SOX30: variants seen among roughly 807,000 people sequenced by gnomAD.
The protein encoded by SOX30 is transcription factor SOX-30.
In SOX30, 17 loss-of-function variants were observed where a neutral mutation model predicts 58.6. The observed-to-expected ratio is 0.29, with a 90% confidence interval of 0.20 to 0.44. SOX30 has a LOEUF of 0.44. SOX30 is among the 20% of genes least tolerant of loss of function. The pLI, the probability that SOX30 is intolerant of heterozygous loss-of-function variation, is 1.00. For synonymous variants in SOX30, 421 were observed against 400.2 expected (o/e 1.05, Z -0.62); for missense variants, 951 against 965.8 (o/e 0.98, Z 0.20).
At chr5:157,671,251 C>T (rs1403371457) in intron 1 of SOX30, 2 of 254,316 alleles carry the variant, frequency 7.9e-6, no homozygotes, top group Non-Finnish European at 1.5e-5. Context: ...CACCCTGGCT[C>T]AACCCGTTAC....
chr5:157,638,268 G>A lies in SOX30; in HGVS notation c.1842C>T (p.His614=). The change falls in exon 4 of 5, where the codon CAC becomes CAT. Residue 614 remains histidine (H), a synonymous_variant. Transcript: ENST00000265007. Reference sequence around the variant, plus strand: ...AGTGAGGTCCGGGTAGGAAGTAAGGGTGATGAAAAGAGAATCTTGGTGGTG... The same window carrying A: ...AGTGAGGTCCGGGTAGGAAGTAAGGATGATGAAAAGAGAATCTTGGTGGTG... The part of the protein sequence containing the change: ...FGTPPRFSFH[H]PYFLPGPHYF... 1.3e-6 allele frequency: 2 copies of A among 1,566,528 alleles called. No individual in the cohort carries two copies. Among genetic ancestry groups the A allele is most frequent in the Non-Finnish European group, 8.7e-7 (1 of 1,155,100 alleles).
chr5:157,657,155 A>AATGGAG (rs1439216912), upstream of SOX30, among the ~76,000 whole-genome samples: 1 of 152,218 alleles, frequency 6.6e-6, no homozygotes, highest in East Asian at 1.9e-4. Flanking sequence ...AGCATTATCA[A>AATGGAG]ATGTAAAATG....
At position 157,630,325 on chromosome 5, in the gene SOX30, T is replaced by G. The variant is rs562049989; in HGVS notation, c.1881-3604A>C. ...GGGGATAGTTACTATTAATATTATTTCCTTGTGAATGCCCTACTTTCTTGT... is the reference window on the plus strand; with the variant it reads ...GGGGATAGTTACTATTAATATTATTGCCTTGTGAATGCCCTACTTTCTTGT... On this transcript the variant is annotated intron_variant, in intron 4 of 4. Transcript: ENST00000265007. Among the ~76,000 whole-genome samples the G allele has an allele frequency of 2.0e-5, 3 of 152,320 alleles. No homozygotes were observed. The East Asian group carries it at 5.8e-4, about 29-fold the overall frequency.
intron 2 of SOX30, among the ~76,000 whole-genome samples, chr5:157,658,934 G>A (rs1265044444): frequency 6.6e-6 from 1 of 152,150 alleles, no homozygotes; most frequent in Non-Finnish European, 1.5e-5. Flanking sequence ...CAGTAAAGAA[G>A]CTGGCTAAAA....
chr5:157,657,871 T>C (rs1296231057), intron 2 of SOX30, among the ~76,000 whole-genome samples: 3 of 152,226 alleles, frequency 2.0e-5, no homozygotes, highest in Non-Finnish European at 4.4e-5. Flanking sequence ...GAAACAGTGG[T>C]TATTTTACCA....
intron 4 of SOX30, 78 bp from the exon 5 acceptor site, chr5:157,626,799 A>C: frequency 6.8e-7 from 1 of 1,465,858 alleles, no homozygotes; most frequent in Non-Finnish European, 9.1e-7. Flanking sequence ...GAGCAAGTTA[A>C]TGCCTCCTCT....
At chr5:157,634,651 G>A (rs970544625) in intron 4 of SOX30, among the ~76,000 whole-genome samples, 2 of 151,886 alleles carry the variant, frequency 1.3e-5, no homozygotes, top group African/African-American at 4.8e-5. Flanking sequence ...AATAACTAGA[G>A]TAGGAAGGAA....
At chr5:157,652,760 GTC>G (rs1759395507), upstream of SOX30, among the ~76,000 whole-genome samples, 1 of 152,128 alleles carries the variant, frequency 6.6e-6, no homozygotes, top group African/African-American at 2.4e-5. Context: ...ACTGTTTTGT[GTC>G]TCTACCTGCC....
chr5:157,663,219 A>C (rs1298043329), intron 2 of SOX30, among the ~76,000 whole-genome samples: 5 of 152,298 alleles, frequency 3.3e-5, no homozygotes, highest in Non-Finnish European at 5.9e-5. Flanking sequence ...TACTGGCAAA[A>C]TGAATCCAGC....
chr5:157,641,488 C>G (rs996697381), intron 3 of SOX30, among the ~76,000 whole-genome samples: 1 of 152,156 alleles, frequency 6.6e-6, no homozygotes, highest in African/African-American at 2.4e-5. Context: ...TGGCATGCAC[C>G]TGTAATCCCA....
At chr5:157,650,209 A>G (rs1181756366) in intron 1 of SOX30, among the ~76,000 whole-genome samples, 1 of 152,126 alleles carries the variant, frequency 6.6e-6, no homozygotes, top group Non-Finnish European at 1.5e-5. Context: ...AAGATGAAAT[A>G]AGTAGTATAA....
chr5:157,644,702 C>T (rs1457570956), intron 3 of SOX30, among the ~76,000 whole-genome samples: 1 of 152,178 alleles, frequency 6.6e-6, no homozygotes, highest in East Asian at 1.9e-4. Flanking sequence ...ATAACACAGG[C>T]TGGGCATGGT....
At chr5:157,634,589 C>G (rs189944275) in intron 4 of SOX30, among the ~76,000 whole-genome samples, 130 of 152,142 alleles carry the variant, frequency 8.5e-4, no homozygotes, top group Middle Eastern at 3.4e-3. Flanking sequence ...AAGTATATCT[C>G]AAATGTCCAT....
At chr5:157,662,036 G>C (rs1447501352) in intron 2 of SOX30, among the ~76,000 whole-genome samples, 2 of 152,102 alleles carry the variant, frequency 1.3e-5, no homozygotes, top group East Asian at 3.8e-4. Context: ...GTTTTTCACT[G>C]ATATATATCT....
intron 3 of SOX30, among the ~76,000 whole-genome samples, chr5:157,641,828 T>C (rs1759070625): frequency 6.6e-6 from 1 of 152,178 alleles, no homozygotes; most frequent in African/African-American, 2.4e-5. Context: ...GGCAAACAAA[T>C]GTGCCACTGG....
chr5:157,643,736 C>A (rs6886080), intron 3 of SOX30, among the ~76,000 whole-genome samples: 7,908 of 152,122 alleles, frequency 0.052, 327 homozygotes, highest in East Asian at 0.1. Flanking sequence ...CATGGAAATA[C>A]AGCAAACATG....
intron 1 of SOX30, among the ~76,000 whole-genome samples, chr5:157,650,438 T>G (rs1428756782): frequency 6.6e-6 from 1 of 152,190 alleles, no homozygotes; most frequent in Non-Finnish European, 1.5e-5. Context: ...AAAATAAGAA[T>G]TTGCTAACTA....
chr5:157,647,251 CG>C (rs1323854677), intron 2 of SOX30, among the ~76,000 whole-genome samples: 1 of 151,908 alleles, frequency 6.6e-6, no homozygotes, highest in Non-Finnish European at 1.5e-5. Flanking sequence ...TTAGTAGAGA[CG>C]GGGTTTCTCC....
rs115158971 is a variant in SOX30 at position 157,669,146 on chromosome 5, A to C, written c.-3-1294T>G. Among the ~76,000 whole-genome samples, 367 of 152,190 alleles carry C rather than the reference A, an allele frequency of 2.4e-3. 3 individuals carry two copies. Among genetic ancestry groups the C allele is most frequent in the African/African-American group, 8.5e-3 (351 of 41,508 alleles). ...GCTTGTGCTTAAATGCTCAGCTAGG[A>C]TCTGCTGCAAGGCACAATGCCTGGG... On this transcript the variant is annotated intron_variant, in intron 1 of 5. Transcript: ENST00000519442.
Sources: allele counts gnomAD v4.1 joint callset (sites outside exome capture counted in the v4.1 genomes callset), GRCh38; gene constraint gnomAD v4.1.1; transcripts MANE v1.5; gene names NCBI Gene and HGNC (gene_info 2026-07-23, HGNC 2026-07-21).